The following LRMDA variants were observed in gnomAD, a reference collection of about 807,000 sequenced individuals.
LRMDA encodes the protein leucine rich melanocyte differentiation associated.
LRMDA carries 18 observed loss-of-function variants against 29.8 expected under a neutral mutation model. The ratio of observed to expected loss-of-function variants is 0.60; its 90% confidence interval spans 0.42 to 0.90. The LOEUF (loss-of-function observed/expected upper bound fraction) is 0.90. Among genes scored for constraint, LRMDA ranks in the 40% least tolerant of loss-of-function variants. The probability of loss-of-function intolerance (pLI) is 0.00; values close to 1 mark genes in which losing one functional copy is unlikely to be tolerated. For synonymous variants in LRMDA, 125 were observed against 109.4 expected (o/e 1.14, Z -0.89); for missense variants, 273 against 273.9 (o/e 1.00, Z 0.02).
At chr10:76,403,970 A>T (rs1330279793) in intron 6 of LRMDA, among the ~76,000 whole-genome samples, 1 of 152,252 alleles carries the variant, frequency 6.6e-6, no homozygotes, top group South Asian at 2.1e-4. Context: ...AAACAGATGC[A>T]GGATGCCTGG....
At chr10:76,079,206 C>T (rs993223540) in intron 5 of LRMDA, among the ~76,000 whole-genome samples, 1 of 152,124 alleles carries the variant, frequency 6.6e-6, no homozygotes, top group Non-Finnish European at 1.5e-5. Flanking sequence ...AATAATTTGA[C>T]CTTTGTGCCT....
chr10:75,986,537 A>T (rs1230203150), intron 2 of LRMDA, among the ~76,000 whole-genome samples: 3 of 152,386 alleles, frequency 2.0e-5, no homozygotes, highest in Non-Finnish European at 4.4e-5. Context: ...ACCTGGCATT[A>T]CAACTAGCTT....
intron 6 of LRMDA, among the ~76,000 whole-genome samples, chr10:76,363,168 AGAAAGAAAG>A (rs1476435023): frequency 5.8e-4 from 15 of 25,790 alleles, no homozygotes; most frequent in African/African-American, 1.5e-3. Context: ...AAAGAAAGAA[AGAAAGAAAG>A]GAGGGAGGGA....
At chr10:75,969,564 C>T (rs1846928075) in intron 2 of LRMDA, among the ~76,000 whole-genome samples, 1 of 152,230 alleles carries the variant, frequency 6.6e-6, no homozygotes, top group Non-Finnish European at 1.5e-5. Context: ...AATTTATGTT[C>T]ACAAGCTCAC....
At chr10:76,222,962 TG>T (rs1851874021) in intron 5 of LRMDA, among the ~76,000 whole-genome samples, 1 of 152,152 alleles carries the variant, frequency 6.6e-6, no homozygotes, top group South Asian at 2.1e-4. Flanking sequence ...TCATGTCCTT[TG>T]TAGGGACATA....
intron 2 of LRMDA, among the ~76,000 whole-genome samples, chr10:75,468,170 G>A (rs1844681419): frequency 6.6e-6 from 1 of 152,168 alleles, no homozygotes; most frequent in Admixed American, 6.5e-5. Flanking sequence ...TAGGGGAGAG[G>A]TTGGGGCATT....
intron 2 of LRMDA, among the ~76,000 whole-genome samples, chr10:75,557,739 G>A (rs549329546): frequency 5.9e-5 from 9 of 152,266 alleles, no homozygotes; most frequent in Non-Finnish European, 8.8e-5. Flanking sequence ...GCCCAGCTGC[G>A]ATTTGTCCAC....
chr10:76,303,416 T>A (rs1247464), intron 5 of LRMDA, among the ~76,000 whole-genome samples: 37,510 of 151,952 alleles, frequency 0.25, 5,572 homozygotes, highest in Non-Finnish European at 0.35. Context: ...GTTCTGAGTC[T>A]TTTGTTCCAC....
At chr10:75,463,448 A>C (rs961799526) in intron 2 of LRMDA, among the ~76,000 whole-genome samples, 5 of 151,634 alleles carry the variant, frequency 3.3e-5, no homozygotes, top group African/African-American at 1.2e-4. Context: ...ATGAGCTGAG[A>C]GGAGTCTTTG....
intron 6 of LRMDA, among the ~76,000 whole-genome samples, chr10:76,482,505 T>C (rs1842741929): frequency 6.6e-6 from 1 of 151,970 alleles, no homozygotes; most frequent in Non-Finnish European, 1.5e-5. Flanking sequence ...TTCATCCATG[T>C]TGTTGCATGT....
At chr10:76,400,040 A>G (rs1841832161) in intron 6 of LRMDA, among the ~76,000 whole-genome samples, 1 of 152,210 alleles carries the variant, frequency 6.6e-6, no homozygotes, top group East Asian at 1.9e-4. Context: ...AGATTATCGA[A>G]AAAAGTAATG....
At chr10:76,251,664 C>G (rs957374100) in intron 5 of LRMDA, among the ~76,000 whole-genome samples, 2 of 152,204 alleles carry the variant, frequency 1.3e-5, no homozygotes, top group Non-Finnish European at 2.9e-5. Context: ...CCACATTTGT[C>G]AAGACAAAGG....
intron 6 of LRMDA, 100 bp downstream of exon 6, chr10:76,324,585 AAC>A: frequency 9.8e-7 from 1 of 1,018,776 alleles, no homozygotes; most frequent in Non-Finnish European, 1.5e-6. Context: ...CTTTAGAAAG[AAC>A]ACAGTGCTTT....
At chr10:76,136,772 G>A (rs370895902) in intron 5 of LRMDA, among the ~76,000 whole-genome samples, 1 of 151,934 alleles carries the variant, frequency 6.6e-6, no homozygotes, top group Non-Finnish European at 1.5e-5. Context: ...TTTAAAATCC[G>A]ATACAGTCAA....
At position 76,289,413 on chromosome 10, in the gene LRMDA, AT is replaced by A. The variant is rs199676327; in HGVS notation, c.517-34981del. 8.9e-4 allele frequency among the ~76,000 whole-genome samples: 136 copies of A among 152,136 alleles called. 4 individuals are homozygous for A. In the East Asian group the frequency reaches 0.025, roughly 28 times the overall value. On this transcript the variant is annotated intron_variant, in intron 5 of 6. Transcript: ENST00000611255. ...TTCTTTTATGACTATTTCCAATGTT[AT>A]TTTTTTCAACATCTCCTCCTTAGTG...
chr10:75,884,272 T>TGGGTGTGTGTGTGTGTGTGG (rs796899532), intron 2 of LRMDA, among the ~76,000 whole-genome samples: 1 of 145,368 alleles, frequency 6.9e-6, no homozygotes, highest in African/African-American at 2.8e-5. Context: ...TGTGTGTGTG[T>TGGGTGTGTGTGTGTGTGTGG]GTGTGTGTGT....
At chr10:76,186,918 A>G (rs1851160647) in intron 5 of LRMDA, among the ~76,000 whole-genome samples, 1 of 152,166 alleles carries the variant, frequency 6.6e-6, no homozygotes, top group Non-Finnish European at 1.5e-5. Flanking sequence ...TTTTGCAATA[A>G]TTCTTATACT....
At chr10:75,803,835 A>G (rs1423445091) in intron 2 of LRMDA, among the ~76,000 whole-genome samples, 2 of 152,168 alleles carry the variant, frequency 1.3e-5, no homozygotes, top group East Asian at 3.9e-4. Flanking sequence ...TAACCACTGC[A>G]CGCAGTCTCT....
At chr10:75,606,765 G>A (rs1840961517) in intron 2 of LRMDA, among the ~76,000 whole-genome samples, 1 of 152,192 alleles carries the variant, frequency 6.6e-6, no homozygotes, top group Non-Finnish European at 1.5e-5. Context: ...AAGGCAGAAA[G>A]CATGGATACA....
Sources: gnomAD v4.1 joint callset for allele counts (sites outside exome capture counted in the v4.1 genomes callset) on GRCh38, gnomAD v4.1.1 for gene constraint, MANE v1.5 for transcripts, NCBI Gene and HGNC (gene_info 2026-07-23, HGNC 2026-07-21) for gene names.